The following TRDN variants were observed in gnomAD, a reference collection of about 807,000 sequenced individuals.
TRDN encodes triadin in skeletal muscle.
In TRDN, 161 loss-of-function variants were observed where a neutral mutation model predicts 149.7. That is an observed-to-expected ratio of 1.08 (90% CI 0.95 to 1.23). The LOEUF (loss-of-function observed/expected upper bound fraction) is 1.23, where lower values mean the gene tolerates loss of function less well. Ranked by LOEUF, TRDN falls within the 50% of genes most tolerant of loss-of-function variation. TRDN has a pLI of 0.00. For synonymous variants in TRDN, 294 were observed against 250.5 expected, an observed-to-expected ratio of 1.17 and a Z score of -1.64; for missense variants, 896 against 823.5, an observed-to-expected ratio of 1.09 and a Z score of -1.08.
chr6:123,406,270 T>C (rs961524379), intron 12 of TRDN, among the ~76,000 whole-genome samples: 1 of 151,950 alleles, frequency 6.6e-6, no homozygotes, highest in Admixed American at 6.6e-5. Flanking sequence ...AGAAAGTATC[T>C]CCAATATACT....
rs1438805589 is a variant in TRDN at position 123,272,947 on chromosome 6, T to C, written c.1672+17A>G. 1 of 1,518,030 alleles carries C rather than the reference T, an allele frequency of 6.6e-7. No individual in the cohort carries two copies. Among genetic ancestry groups the C allele is most frequent in the Admixed American group, 2.2e-5 (1 of 45,238 alleles). 94.0% of individuals were successfully genotyped at this position (1,518,030 alleles called of 1,614,324 possible). On this transcript the variant is annotated intron_variant, in intron 29 of 40. Transcript: ENST00000334268. ...TTGAGAGGTTATTTGAGACTACAAA[T>C]ACCACCTGCAAAATACCTGGTTTAC... is the stretch of plus-strand genomic sequence containing the variant.
intron 38 of TRDN, among the ~76,000 whole-genome samples, chr6:123,243,526 A>G (rs1291647959): frequency 6.6e-6 from 1 of 152,218 alleles, no homozygotes; most frequent in Non-Finnish European, 1.5e-5. Context: ...AACAATACAG[A>G]GAAGTCAGGA....
chr6:123,316,515 T>G lies in TRDN; in HGVS notation c.1472-20A>C. The stretch of plus-strand genomic sequence containing the variant: ...CAGGTTCTGGGGCAAAACGTACACA[T>G]AAACACGTACAAACAAAAGGGAAAA... On this transcript the variant is annotated intron_variant, in intron 23 of 40. Transcript: ENST00000334268. 1 of 1,608,510 alleles carries G rather than the reference T, an allele frequency of 6.2e-7. No homozygotes were observed. Among genetic ancestry groups the G allele is most frequent in the South Asian group, 1.1e-5 (1 of 90,830 alleles).
intron 40 of TRDN, 48 bp from the exon 41 acceptor site, chr6:123,218,788 A>G: frequency 6.5e-7 from 1 of 1,538,296 alleles, no homozygotes; most frequent in Non-Finnish European, 8.8e-7. Flanking sequence ...GAACATGAGC[A>G]AAAAAGCACA....
intron 10 of TRDN, among the ~76,000 whole-genome samples, chr6:123,444,716 A>C (rs1775198611): frequency 6.6e-6 from 1 of 152,126 alleles, no homozygotes; most frequent in African/African-American, 2.4e-5. Context: ...ATTTATTGAG[A>C]GTTTTTAGCA....
chr6:123,235,901 G>A (rs1775770357), intron 38 of TRDN, among the ~76,000 whole-genome samples: 1 of 152,200 alleles, frequency 6.6e-6, no homozygotes, highest in Non-Finnish European at 1.5e-5. Flanking sequence ...ATTCTGTTGT[G>A]TGGATGTACT....
intron 8 of TRDN, chr6:123,503,134 T>C: frequency 1.0e-6 from 1 of 985,334 alleles, no homozygotes; most frequent in Non-Finnish European, 1.2e-6. Flanking sequence ...CAGAGCTTTC[T>C]AAAGTTAGAA....
rs77614366 is a variant in TRDN, at chr6:123,491,030, C to T, written c.853+6163G>A. ...CTGAGGCAGGAGAATTGCTTGAACC[C>T]GGGAGGCAGAGGTTGCAGTGAGCCG... On this transcript the variant is annotated intron_variant, in intron 9 of 40. Coordinates refer to ENST00000334268, the MANE Select transcript of TRDN (RefSeq NM_006073.4). 3.4e-3 allele frequency among the ~76,000 whole-genome samples: 513 copies of T among 151,542 alleles called. 22 individuals carry two copies. In the East Asian group the frequency reaches 0.091, roughly 27 times the overall value.
chr6:123,545,751 AT>A, intron 4 of TRDN, among the ~76,000 whole-genome samples: 1 of 152,164 alleles, frequency 6.6e-6, no homozygotes, highest in Non-Finnish European at 1.5e-5. Context: ...CAACTATTTA[AT>A]AGTTTTTCTG....
chr6:123,319,584 G>C (rs564881293), intron 23 of TRDN, among the ~76,000 whole-genome samples: 3 of 152,096 alleles, frequency 2.0e-5, no homozygotes, highest in Non-Finnish European at 4.4e-5. Flanking sequence ...ATTGGGACTG[G>C]GAGGCCAGAG....
In TRDN at chr6:123,317,343, T is replaced by A. The variant is rs180882402; in HGVS notation, c.1472-848A>T. ...ACAGCAGAAAAAACTGACTTCATAG[T>A]TGGAATACCTACTGAGCATAAACTA... On this transcript the variant is annotated intron_variant, in intron 23 of 40. Transcript: ENST00000334268. 3.0e-3 allele frequency among the ~76,000 whole-genome samples: 461 copies of A among 152,022 alleles called. 2 individuals are homozygous for A. The highest frequency in any genetic ancestry group is 5.2e-3 in the Non-Finnish European group (354 of 67,866).
intron 21 of TRDN, among the ~76,000 whole-genome samples, chr6:123,339,636 A>T (rs1779997482): frequency 6.6e-6 from 1 of 152,176 alleles, no homozygotes; most frequent in Admixed American, 6.6e-5. Context: ...CCTCAAATTA[A>T]TCTTATTTGC....
Position 123,622,291 on chromosome 6 carries a change from A to ATC in TRDN, c.22+14461_22+14462dup, listed in dbSNP as rs572907159. ...TTCCCTAGCTTACTTCATTGTAATT[A>ATC]TCTCTCTCTCTCTATATATATATAC... On this transcript the variant is annotated intron_variant, in intron 1 of 40. Coordinates refer to ENST00000334268, the MANE Select transcript of TRDN (RefSeq NM_006073.4). Among the ~76,000 whole-genome samples the ATC allele has an allele frequency of 8.6e-3, 1,181 of 138,098 alleles. 4 individuals are homozygous for ATC. Among genetic ancestry groups the ATC allele is most frequent in the South Asian group, 0.015 (64 of 4,172 alleles). 90.6% of individuals were successfully genotyped at this position (138,098 alleles called of 152,430 possible). A position where few individuals can be genotyped will look rare whatever the true frequency, so the allele number is the denominator to read the frequency against.
In TRDN at chr6:123,456,797, T is replaced by C. The variant is rs749481265; in HGVS notation, c.931+8109A>G. ...GCAATTTCCAAGACTGTTTACTCCA[T>C]CTATGTAAAATACACTTGGTCTTGA... On this transcript the variant is annotated intron_variant, in intron 10 of 40. Transcript: ENST00000334268. The C allele has an allele frequency of 1.8e-5, 8 of 455,866 alleles. 1 individual carries two copies. Among genetic ancestry groups the C allele is most frequent in the South Asian group, 1.2e-4 (8 of 64,560 alleles). The allele number at this position is 455,866 out of a possible 1,614,324, so 28.2% of individuals were successfully genotyped here.
chr6:123,596,327 G>A (rs1784035477), intron 1 of TRDN, among the ~76,000 whole-genome samples: 1 of 152,032 alleles, frequency 6.6e-6, no homozygotes, highest in Non-Finnish European at 1.5e-5. Context: ...AGGTAGCAGA[G>A]GTTGGTTTAT....
intron 9 of TRDN, among the ~76,000 whole-genome samples, chr6:123,472,303 T>A (rs1242960737): frequency 6.6e-6 from 1 of 151,990 alleles, no homozygotes; most frequent in Non-Finnish European, 1.5e-5. Context: ...CCCTTCCGAG[T>A]CAAAGAAAGG....
At chr6:123,327,068 A>C (rs1779484378) in intron 23 of TRDN, among the ~76,000 whole-genome samples, 1 of 151,958 alleles carries the variant, frequency 6.6e-6, no homozygotes, top group Non-Finnish European at 1.5e-5. Flanking sequence ...AGATGTCTTA[A>C]ATTTCTTTTT....
intron 38 of TRDN, among the ~76,000 whole-genome samples, chr6:123,246,149 T>C (rs1776168956): frequency 6.6e-6 from 1 of 151,974 alleles, no homozygotes; most frequent in African/African-American, 2.4e-5. Flanking sequence ...AAATTCAAAA[T>C]TGACACACTA....
In TRDN at chr6:123,284,006, A is replaced by ATATATATATATATATATATATATATATAT. The variant is rs1427267027; in HGVS notation, c.1511-4925_1511-4924insATATATATATATATATATATATATATATA. Among the ~76,000 whole-genome samples the ATATATATATATATATATATATATATATAT allele has an allele frequency of 1.9e-3, 229 of 119,308 alleles. 6 individuals carry two copies. The highest frequency in any genetic ancestry group is 2.3e-3 in the Non-Finnish European group (132 of 57,988). The allele number at this position is 119,308 out of a possible 152,430, so 78.3% of individuals were successfully genotyped here. On this transcript the variant is annotated intron_variant, in intron 24 of 40. Transcript: ENST00000334268. ...GGCACATATATATATATATATATGT[A>ATATATATATATATATATATATATATATAT]ACAAACCTGCACATTGTGCACATGT...
Sources: gnomAD v4.1 joint callset for allele counts (sites outside exome capture counted in the v4.1 genomes callset) on GRCh38, gnomAD v4.1.1 for gene constraint, MANE v1.5 for transcripts, NCBI Gene and HGNC (gene_info 2026-07-23, HGNC 2026-07-21) for gene names.